Variants in LRRC4C observed in about 807,000 individuals in gnomAD.
LRRC4C encodes the protein leucine rich repeat containing 4C.
Under a neutral mutation model 33.6 loss-of-function variants are expected in LRRC4C, and 5 were observed. The ratio of observed to expected loss-of-function variants is 0.15; its 90% CI spans 0.08 to 0.31. The LOEUF (loss-of-function observed/expected upper bound fraction) is 0.31. LRRC4C is among the 10% of genes least tolerant of loss of function. LRRC4C has a pLI of 1.00. For missense variants in LRRC4C, 560 were observed against 796.7 expected, an observed-to-expected ratio of 0.70 and a Z score of 3.58; for synonymous variants, 329 against 302.0, an observed-to-expected ratio of 1.09 and a Z score of -0.93.
At chr11:40,529,094 A>T (rs1956173039) in intron 3 of LRRC4C, among the ~76,000 whole-genome samples, 1 of 152,152 alleles carries the variant, frequency 6.6e-6, no homozygotes, top group Non-Finnish European at 1.5e-5. Flanking sequence ...CAACTGTTTT[A>T]CACTGTTGAC....
chr11:40,679,397 C>A (rs940850402), intron 2 of LRRC4C, among the ~76,000 whole-genome samples: 2 of 152,070 alleles, frequency 1.3e-5, no homozygotes, highest in Non-Finnish European at 2.9e-5. Flanking sequence ...TAACGAGGAG[C>A]GGAATGTTAA....
At chr11:40,476,930 T>C (rs1953265347) in intron 3 of LRRC4C, among the ~76,000 whole-genome samples, 1 of 152,216 alleles carries the variant, frequency 6.6e-6, no homozygotes, top group Non-Finnish European at 1.5e-5. Context: ...ATCAACTTAA[T>C]ATGCATCAGA....
chr11:40,328,168 G>C (rs183036030), intron 3 of LRRC4C, among the ~76,000 whole-genome samples: 72 of 152,262 alleles, frequency 4.7e-4, no homozygotes, highest in Non-Finnish European at 7.9e-4. Context: ...TCCATGGCCT[G>C]TGAAGGGTTG....
intron 2 of LRRC4C, among the ~76,000 whole-genome samples, 195 bp downstream of exon 2, chr11:40,933,440 G>A (rs960190409): frequency 2.0e-5 from 3 of 152,154 alleles, no homozygotes; most frequent in Admixed American, 1.3e-4. Context: ...ATGAAACAAC[G>A]TTTCTTTCTA....
chr11:40,141,616 T>C (rs1434106989), intron 5 of LRRC4C, among the ~76,000 whole-genome samples: 1 of 152,006 alleles, frequency 6.6e-6, no homozygotes, highest in Non-Finnish European at 1.5e-5. Flanking sequence ...CCCTCACAAT[T>C]AGTAATCAAG....
intron 1 of LRRC4C, among the ~76,000 whole-genome samples, chr11:41,038,531 A>C (rs1857233149): frequency 6.6e-6 from 1 of 152,102 alleles, no homozygotes; most frequent in Non-Finnish European, 1.5e-5. Context: ...GTCGCTGCCT[A>C]CTTCTAAGTC....
chr11:40,265,126 T>C (rs1942154858), intron 4 of LRRC4C, among the ~76,000 whole-genome samples: 1 of 152,212 alleles, frequency 6.6e-6, no homozygotes, highest in South Asian at 2.1e-4. Flanking sequence ...TTTTCCCTCC[T>C]TCCATTTTCC....
At chr11:41,174,423 C>T (rs1945107891) in intron 1 of LRRC4C, among the ~76,000 whole-genome samples, 1 of 151,946 alleles carries the variant, frequency 6.6e-6, no homozygotes, top group African/African-American at 2.4e-5. Flanking sequence ...TCTGTACATG[C>T]AGAATGAATA....
At chr11:41,398,636 A>G (rs997285296) in intron 1 of LRRC4C, among the ~76,000 whole-genome samples, 1 of 151,912 alleles carries the variant, frequency 6.6e-6, no homozygotes, top group African/African-American at 2.4e-5. Flanking sequence ...CTTGATTTCA[A>G]TTCTTCCTTG....
intron 1 of LRRC4C, among the ~76,000 whole-genome samples, chr11:41,105,962 T>C (rs541962301): frequency 6.6e-5 from 10 of 152,224 alleles, no homozygotes; most frequent in Non-Finnish European, 1.3e-4. Context: ...ATCATTACAG[T>C]CTCTTGCCTT....
At chr11:40,274,934 C>A (rs1942991301) in intron 4 of LRRC4C, among the ~76,000 whole-genome samples, 1 of 152,112 alleles carries the variant, frequency 6.6e-6, no homozygotes, top group Non-Finnish European at 1.5e-5. Flanking sequence ...ACCACCTGCT[C>A]AGGGGCTCTA....
At chr11:41,347,667 G>T (rs147832056) in intron 1 of LRRC4C, among the ~76,000 whole-genome samples, 11 of 152,142 alleles carry the variant, frequency 7.2e-5, no homozygotes, top group African/African-American at 2.7e-4. Context: ...TTTTTAAAAT[G>T]CAGAGTTACA....
chr11:40,284,334 G>C lies in LRRC4C; in HGVS notation c.-176+35294C>G, dbSNP rs562762368. On this transcript the variant is annotated intron_variant, in intron 4 of 6. Coordinates refer to ENST00000528697, the MANE Select transcript of LRRC4C (RefSeq NM_001258419.2). The stretch of plus-strand genomic sequence containing the variant: ...TAGGCTGGCTGGCCTGTGCTGTTGA[G>C]AAGAGTCTGGATTTCATTCTAAAAA... 3.7e-4 allele frequency among the ~76,000 whole-genome samples: 57 copies of C among 152,280 alleles called. 1 individual carries two copies. In the South Asian group the frequency reaches 0.012, roughly 32 times the overall value.
chr11:40,646,827 C>T (rs906305308), intron 3 of LRRC4C, among the ~76,000 whole-genome samples: 6 of 152,234 alleles, frequency 3.9e-5, no homozygotes, highest in African/African-American at 1.4e-4. Context: ...AGGATGGTCT[C>T]GATCTCCTGA....
chr11:40,250,378 C>G (rs1032174263), intron 4 of LRRC4C, among the ~76,000 whole-genome samples: 1 of 152,138 alleles, frequency 6.6e-6, no homozygotes, highest in Admixed American at 6.6e-5. Flanking sequence ...ACACTGACTT[C>G]TATTCCTTGG....
At chr11:40,982,693 A>C (rs780047049) in intron 1 of LRRC4C, among the ~76,000 whole-genome samples, 5 of 152,092 alleles carry the variant, frequency 3.3e-5, no homozygotes, top group Non-Finnish European at 7.4e-5. Context: ...TAAGGGGTAC[A>C]TTTGCAAGAT....
intron 2 of LRRC4C, among the ~76,000 whole-genome samples, chr11:40,747,406 C>G (rs770307966): frequency 6.6e-6 from 1 of 152,028 alleles, no homozygotes; most frequent in Non-Finnish European, 1.5e-5. Flanking sequence ...TAGTAAAAAG[C>G]TCTCCCCTAT....
chr11:40,723,686 A>G (rs1947141715), intron 2 of LRRC4C, among the ~76,000 whole-genome samples: 1 of 152,152 alleles, frequency 6.6e-6, no homozygotes, highest in Admixed American at 6.5e-5. Context: ...CAGACTCTAT[A>G]AAGCAACTAC....
intron 1 of LRRC4C, among the ~76,000 whole-genome samples, chr11:41,000,558 T>G (rs1420196363): frequency 6.6e-6 from 1 of 152,152 alleles, no homozygotes; most frequent in African/African-American, 2.4e-5. Flanking sequence ...AATAAAATTA[T>G]TTTCCTAGTT....
Sources: gnomAD v4.1 joint callset for allele counts (sites outside exome capture counted in the v4.1 genomes callset) on GRCh38, gnomAD v4.1.1 for gene constraint, MANE v1.5 for transcripts, NCBI Gene and HGNC (gene_info 2026-07-23, HGNC 2026-07-21) for gene names.